EMX1: variants seen among roughly 807,000 people sequenced by gnomAD.
EMX1 encodes the protein empty spiracles homeobox 1.
A neutral mutation model predicts 20.1 loss-of-function variants in EMX1; 10 were observed. That is an observed-to-expected ratio of 0.50 (90% CI 0.31 to 0.84). EMX1 has a LOEUF of 0.84. Ranked by LOEUF, EMX1 falls within the 40% of genes least tolerant of loss-of-function variation. EMX1 has a pLI of 0.05. For missense variants in EMX1, 424 were observed against 431.9 expected (o/e 0.98, Z 0.16); for synonymous variants, 250 against 200.4 (o/e 1.25, Z -2.09).
chr2:72,917,934 G>C lies in EMX1; in HGVS notation c.82G>C (p.Ala28Pro), dbSNP rs948924584. 2.0e-6 allele frequency: 3 copies of C among 1,485,724 alleles called. No homozygotes were observed. The highest frequency in any genetic ancestry group is 1.5e-5 in the African/African-American group (1 of 68,470). 92.0% of individuals were successfully genotyped at this position (1,485,724 alleles called of 1,614,324 possible). ...CCCCAGAGCCCGGCTGCCTCGCACA[G>C]CTCCCGCGGCTGCGACCATGTTCCA... ...ALPRARLPRT[A>P]PAAATMFQPA... Residue 28 changes from alanine (A) to proline (P), a missense_variant, in exon 1 of 3, where the codon GCT (alanine) becomes CCT (proline). Coordinates refer to ENST00000258106, the MANE Select transcript of EMX1 (RefSeq NM_004097.3).
At chr2:72,925,992 A>T (rs1429628091) in intron 2 of EMX1, 1 of 985,050 alleles carries the variant, frequency 1.0e-6, no homozygotes, top group Non-Finnish European at 1.2e-6. Flanking sequence ...TAATAAAATA[A>T]CACTCCCTTT....
At chr2:72,916,319 G>T (rs1043500778), upstream of EMX1, 32 of 286,114 alleles carry the variant, frequency 1.1e-4, no homozygotes, top group South Asian at 1.2e-3. Context: ...ACCCAGATCT[G>T]CGCGCCCAGG....
chr2:72,924,319 G>A lies in EMX1; in HGVS notation c.531G>A (p.Val177=). 1 of 1,568,840 alleles carries A rather than the reference G, an allele frequency of 6.4e-7. No individual in the cohort carries two copies. The highest frequency in any genetic ancestry group is 8.6e-7 in the Non-Finnish European group (1 of 1,165,146). ...FFGHRFQASD[V]PQDGLLLHGP... ...GCGGCGGGGCCGCAGCCAGCGACGT[G>A]CCCCAGGACGGGCTGCTTCTGCACG... The change falls in exon 2 of 3, where the codon GTG becomes GTA. Residue 177 remains valine, a synonymous_variant. Transcript: ENST00000258106.
At chr2:72,918,414 C>T in intron 1 of EMX1, 42 bp downstream of exon 1, 1 of 1,359,768 alleles carries the variant, frequency 7.4e-7, no homozygotes, top group Non-Finnish European at 9.4e-7. Flanking sequence ...CCGGCCGGCG[C>T]CCGTGCTGCG....
intron 1 of EMX1, chr2:72,924,023 C>CG (rs1327349050): frequency 3.7e-6 from 2 of 534,356 alleles, no homozygotes; most frequent in African/African-American, 5.6e-5. Context: ...CTCGTCCGGC[C>CG]TGCCCCATCT....
intron 2 of EMX1, among the ~76,000 whole-genome samples, chr2:72,931,086 C>T (rs1671271968): frequency 6.6e-6 from 1 of 152,236 alleles, no homozygotes; most frequent in Non-Finnish European, 1.5e-5. Flanking sequence ...GATGGCCAGG[C>T]TGCACAGGGA....
chr2:72,927,307 A>G (rs757297182), intron 2 of EMX1, among the ~76,000 whole-genome samples: 8 of 152,178 alleles, frequency 5.3e-5, no homozygotes, highest in Non-Finnish European at 1.0e-4. Context: ...GGTAATGGTT[A>G]TCTATTATTG....
At chr2:72,925,495 T>C (rs944215466) in intron 2 of EMX1, 81 of 1,288,610 alleles carry the variant, frequency 6.3e-5, no homozygotes, top group Non-Finnish European at 8.1e-5. Context: ...GCCCTGGAGG[T>C]GGATTTCAGT....
intron 1 of EMX1, among the ~76,000 whole-genome samples, chr2:72,920,989 T>G (rs1161804333): frequency 6.6e-6 from 1 of 152,120 alleles, no homozygotes; most frequent in African/African-American, 2.4e-5. Context: ...GGAATGAGGT[T>G]ATCTCCGCCG....
chr2:72,919,514 T>C (rs1573894971), intron 1 of EMX1, among the ~76,000 whole-genome samples: 1 of 152,168 alleles, frequency 6.6e-6, no homozygotes, highest in Admixed American at 6.5e-5. Flanking sequence ...AATGTGACGG[T>C]CTGTAGTCTA....
In EMX1 at chr2:72,933,975, C is replaced by T. The variant is rs753888048; in HGVS notation, c.*21C>T. The T allele has an allele frequency of 3.1e-6, 5 of 1,614,016 alleles. No homozygotes were observed. The South Asian group carries it at 4.4e-5, about 14-fold the overall frequency. On this transcript the variant is annotated 3_prime_UTR_variant, in exon 3 of 3. Coordinates refer to ENST00000258106, the MANE Select transcript of EMX1 (RefSeq NM_004097.3). ...ACTAGGGTGGGCAACCACAAACCCA[C>T]GAGGGCAGAGTGCTGCTTGCTGCTG...
intron 2 of EMX1, among the ~76,000 whole-genome samples, chr2:72,928,020 C>G (rs1311845737): frequency 3.9e-5 from 6 of 152,224 alleles, no homozygotes; most frequent in Non-Finnish European, 1.5e-5. Flanking sequence ...TGTGAATGAG[C>G]TCTTAATCCA....
At chr2:72,927,428 C>T (rs1442724957) in intron 2 of EMX1, among the ~76,000 whole-genome samples, 7 of 152,234 alleles carry the variant, frequency 4.6e-5, no homozygotes, top group African/African-American at 7.2e-5. Context: ...GACTCCTCTA[C>T]ATTCTACTTC....
chr2:72,917,195 G>A (rs1670978978), upstream of EMX1: 1 of 605,092 alleles, frequency 1.7e-6, no homozygotes, highest in Non-Finnish European at 3.0e-6. Context: ...ATCCCGGGAC[G>A]AATGGGAGAG....
chr2:72,919,866 A>G (rs1487742224), intron 1 of EMX1, among the ~76,000 whole-genome samples: 1 of 152,200 alleles, frequency 6.6e-6, no homozygotes, highest in Admixed American at 6.5e-5. Context: ...TAACATGAGG[A>G]TATCTTTAAA....
chr2:72,929,071 C>A (rs1440296060), intron 2 of EMX1, among the ~76,000 whole-genome samples: 1 of 151,992 alleles, frequency 6.6e-6, no homozygotes, highest in Non-Finnish European at 1.5e-5. Flanking sequence ...AATGTTCTGG[C>A]CTTAGAGGGA....
intron 2 of EMX1, chr2:72,926,394 C>G (rs1396488244): frequency 1.4e-6 from 1 of 718,224 alleles, no homozygotes; most frequent in Non-Finnish European, 1.7e-6. Flanking sequence ...GCTTCATTAA[C>G]TATCAAAACT....
intron 2 of EMX1, chr2:72,925,315 T>G: frequency 9.2e-7 from 1 of 1,087,248 alleles, no homozygotes; most frequent in Admixed American, 4.0e-5. Context: ...GATCGTTAAT[T>G]TAAGGGAAAA....
At chr2:72,929,026 G>A (rs184681257) in intron 2 of EMX1, among the ~76,000 whole-genome samples, 243 of 152,308 alleles carry the variant, frequency 1.6e-3, no homozygotes, top group African/African-American at 5.5e-3. Context: ...CAGAGGCATG[G>A]AAAGGAGGAT....
Sources: gnomAD v4.1 joint callset for allele counts (sites outside exome capture counted in the v4.1 genomes callset) on GRCh38, gnomAD v4.1.1 for gene constraint, MANE v1.5 for transcripts, NCBI Gene and HGNC (gene_info 2026-07-23, HGNC 2026-07-21) for gene names.